EEF1AKMT1: variants seen among roughly 807,000 people sequenced by gnomAD.
EEF1AKMT1 encodes EEF1A lysine methyltransferase 1.
Under a neutral mutation model 21.0 loss-of-function variants are expected in EEF1AKMT1, and 18 were observed. That is an observed-to-expected ratio of 0.86 (90% confidence interval 0.59 to 1.27). The LOEUF is 1.27. EEF1AKMT1 is among the 50% of genes most tolerant of loss of function. EEF1AKMT1 has a pLI of 0.00. For synonymous variants in EEF1AKMT1, 109 were observed against 94.8 expected (o/e 1.15, Z -0.87); for missense variants, 246 against 258.6 (o/e 0.95, Z 0.33).
chr13:20,733,871 G>T (rs534900390), intron 3 of EEF1AKMT1, among the ~76,000 whole-genome samples: 1 of 152,190 alleles, frequency 6.6e-6, no homozygotes, highest in Non-Finnish European at 1.5e-5. Flanking sequence ...AATGTGTGAC[G>T]CATTTCCAAC....
At chr13:20,764,805 C>T (rs2059018639) in intron 1 of EEF1AKMT1, among the ~76,000 whole-genome samples, 1 of 150,596 alleles carries the variant, frequency 6.6e-6, no homozygotes, top group African/African-American at 2.4e-5. Flanking sequence ...TCTACTTTAC[C>T]TGCTATCAAT....
intron 1 of EEF1AKMT1, among the ~76,000 whole-genome samples, chr13:20,769,532 A>G (rs1431095680): frequency 6.6e-6 from 1 of 152,218 alleles, no homozygotes; most frequent in South Asian, 2.1e-4. Flanking sequence ...ATACAGGGGA[A>G]TTTAGAAAGC....
intron 2 of EEF1AKMT1, among the ~76,000 whole-genome samples, chr13:20,738,327 G>C (rs1041029145): frequency 6.6e-6 from 1 of 152,192 alleles, no homozygotes; most frequent in Non-Finnish European, 1.5e-5. Flanking sequence ...GGGCAAGTTT[G>C]TTTTTCATCT....
Position 20,772,287 on chromosome 13 carries a change from T to C in EEF1AKMT1, c.-20+1634A>G, listed in dbSNP as rs370670947. Among the ~76,000 whole-genome samples, 131 of 152,250 alleles carry C rather than the reference T, an allele frequency of 8.6e-4. 3 individuals are homozygous for C. The South Asian group carries it at 0.026, about 30-fold the overall frequency. ...TTGTACCTATGGATTATATTGAAAT[T>C]ATATTATTATTAAGCTGACCTTGGA... On this transcript the variant is annotated intron_variant, in intron 1 of 4. Transcript: ENST00000382758.
intron 2 of EEF1AKMT1, among the ~76,000 whole-genome samples, chr13:20,741,457 T>C (rs2058870538): frequency 5.5e-5 from 2 of 36,408 alleles, no homozygotes; most frequent in African/African-American, 1.1e-4. Flanking sequence ...TTGTAATTAC[T>C]TTTTTTTTTT....
Position 20,728,979 on chromosome 13 carries a change from T to G in EEF1AKMT1, c.*101A>C. On this transcript the variant is annotated 3_prime_UTR_variant, in exon 5 of 5. Coordinates refer to ENST00000382758, the MANE Select transcript of EEF1AKMT1 (RefSeq NM_001318939.2). The stretch of plus-strand genomic sequence containing the variant: ...AAAACCAGGCCAGGGACAGCTCCAG[T>G]TTGGGGGGAGGGGAAGAGATTATAA... The G allele has an allele frequency of 2.1e-6, 3 of 1,462,180 alleles. No homozygotes were observed. Among genetic ancestry groups the G allele is most frequent in the Non-Finnish European group, 2.8e-6 (3 of 1,056,472 alleles). 90.6% of individuals were successfully genotyped at this position (1,462,180 alleles called of 1,614,324 possible). A position where few individuals can be genotyped will look rare whatever the true frequency, so the allele number is the denominator to read the frequency against.
At chr13:20,738,772 G>C (rs1011097983) in intron 2 of EEF1AKMT1, among the ~76,000 whole-genome samples, 2 of 152,216 alleles carry the variant, frequency 1.3e-5, no homozygotes, top group Admixed American at 6.5e-5. Flanking sequence ...GAAATGTCCC[G>C]AGTAGCAAGT....
intron 3 of EEF1AKMT1, among the ~76,000 whole-genome samples, chr13:20,733,847 C>T (rs990505780): frequency 3.3e-5 from 5 of 152,326 alleles, no homozygotes; most frequent in East Asian, 1.9e-4. Flanking sequence ...TTAAAAATTA[C>T]GCTCAGCTTT....
chr13:20,736,318 C>G (rs2058825855), intron 3 of EEF1AKMT1, among the ~76,000 whole-genome samples: 1 of 152,084 alleles, frequency 6.6e-6, no homozygotes, highest in Non-Finnish European at 1.5e-5. Flanking sequence ...AATGTGCTGT[C>G]CAACAAAACC....
At chr13:20,740,157 A>G (rs1367591954) in intron 2 of EEF1AKMT1, among the ~76,000 whole-genome samples, 2 of 152,358 alleles carry the variant, frequency 1.3e-5, no homozygotes, top group Admixed American at 6.5e-5. Context: ...CACCCTCTGC[A>G]GTTGCTGGCC....
intron 1 of EEF1AKMT1, among the ~76,000 whole-genome samples, chr13:20,762,866 A>G (rs930923204): frequency 6.6e-6 from 1 of 152,162 alleles, no homozygotes; most frequent in African/African-American, 2.4e-5. Context: ...TAGTTTGCCA[A>G]GTTTCATCAT....
chr13:20,738,425 T>G (rs2058839859), intron 2 of EEF1AKMT1, among the ~76,000 whole-genome samples: 2 of 152,244 alleles, frequency 1.3e-5, no homozygotes, highest in African/African-American at 4.8e-5. Context: ...AGCAGGAGTT[T>G]AATGGAAGAA....
intron 1 of EEF1AKMT1, among the ~76,000 whole-genome samples, chr13:20,760,773 C>T (rs988065876): frequency 6.6e-6 from 1 of 152,090 alleles, no homozygotes; most frequent in African/African-American, 2.4e-5. Context: ...AATGGACACA[C>T]TTAATGCTGA....
chr13:20,762,236 G>A (rs572693313), intron 1 of EEF1AKMT1, among the ~76,000 whole-genome samples: 21 of 147,492 alleles, frequency 1.4e-4, no homozygotes, highest in African/African-American at 5.1e-4. Context: ...AGGCTGGAGT[G>A]CAGTGGTGCA....
chr13:20,756,364 A>G (rs1022836118), intron 2 of EEF1AKMT1, among the ~76,000 whole-genome samples: 2 of 152,218 alleles, frequency 1.3e-5, no homozygotes, highest in African/African-American at 2.4e-5. Flanking sequence ...TGATAAAAAT[A>G]TAATTGAAAT....
At chr13:20,761,574 T>C (rs1219559352) in intron 1 of EEF1AKMT1, among the ~76,000 whole-genome samples, 4 of 152,208 alleles carry the variant, frequency 2.6e-5, no homozygotes, top group African/African-American at 9.7e-5. Flanking sequence ...GGATAAATGC[T>C]CAAGAGTATG....
intron 2 of EEF1AKMT1, among the ~76,000 whole-genome samples, chr13:20,753,487 T>C (rs925074064): frequency 2.0e-5 from 3 of 152,190 alleles, no homozygotes; most frequent in African/African-American, 4.8e-5. Context: ...GTTTCTTTGT[T>C]AATTTTCTAT....
intron 3 of EEF1AKMT1, among the ~76,000 whole-genome samples, chr13:20,736,936 G>C (rs544779685): frequency 2.4e-4 from 36 of 151,432 alleles, no homozygotes; most frequent in African/African-American, 8.7e-4. Context: ...GTTTCACCAT[G>C]TTGTCCAGGC....
At chr13:20,757,252 A>C (rs1476425990) in intron 2 of EEF1AKMT1, 1 of 441,472 alleles carries the variant, frequency 2.3e-6, no homozygotes, top group Non-Finnish European at 4.0e-6. Flanking sequence ...CAGAATCAAG[A>C]ACAGCTGTTC....
Sources: allele counts gnomAD v4.1 joint callset (sites outside exome capture counted in the v4.1 genomes callset), GRCh38; gene constraint gnomAD v4.1.1; transcripts MANE v1.5; gene names NCBI Gene and HGNC (gene_info 2026-07-23, HGNC 2026-07-21).